PITRM1: variants seen among roughly 807,000 people sequenced by gnomAD.
The protein encoded by PITRM1 is presequence protease, mitochondrial.
Under a neutral mutation model 129.9 loss-of-function variants are expected in PITRM1, and 100 were observed. The observed-to-expected ratio is 0.77, with a 90% CI of 0.65 to 0.91. The LOEUF (loss-of-function observed/expected upper bound fraction) is 0.91. Among genes scored for constraint, PITRM1 ranks in the 40% least tolerant of loss-of-function variants. The pLI, the probability that PITRM1 is intolerant of heterozygous loss-of-function variation, is 0.00. For synonymous variants in PITRM1, 591 were observed against 508.8 expected (o/e 1.16, Z -2.17); for missense variants, 1,471 against 1,318.3 (o/e 1.12, Z -1.79).
At chr10:3,169,168 C>G (rs1202398872) in intron 2 of PITRM1, among the ~76,000 whole-genome samples, 1 of 152,348 alleles carries the variant, frequency 6.6e-6, no homozygotes, top group East Asian at 1.9e-4. Context: ...GGGTGAGGCC[C>G]TTATTAACAG....
rs1224729595 is a variant in PITRM1, at chr10:3,169,796, G to A, written c.159+308C>T. 3.3e-5 allele frequency among the ~76,000 whole-genome samples: 5 copies of A among 152,234 alleles called. 1 individual carries two copies. Among genetic ancestry groups the A allele is most frequent in the Admixed American group, 6.5e-5 (1 of 15,286 alleles). On this transcript the variant is annotated intron_variant, in intron 2 of 26. Coordinates refer to ENST00000224949, the MANE Select transcript of PITRM1 (RefSeq NM_014889.4). ...CAGGGCAGTGAGTCTTCATGCTCAT[G>A]CTCAGTGAAACATCAGGTTTGGCTG...
At chr10:3,156,663 A>G (rs1311834075) in intron 13 of PITRM1, among the ~76,000 whole-genome samples, 1 of 152,084 alleles carries the variant, frequency 6.6e-6, no homozygotes, top group African/African-American at 2.4e-5. Context: ...TAATAAAAGA[A>G]CAATATATGC....
intron 10 of PITRM1, among the ~76,000 whole-genome samples, chr10:3,158,376 T>C (rs1033106789): frequency 2.6e-5 from 4 of 152,172 alleles, no homozygotes; most frequent in African/African-American, 9.7e-5. Context: ...TATGGCAGGA[T>C]AAATATCAAA....
At position 3,149,608 on chromosome 10, in the gene PITRM1, T is replaced by C. The variant is rs377696504; in HGVS notation, c.1871+13A>G. 42 of 1,541,896 alleles carry C rather than the reference T, an allele frequency of 2.7e-5. No homozygotes were observed. The highest frequency in any genetic ancestry group is 1.9e-4 in the South Asian group (15 of 80,178). Reference sequence around the variant, plus strand: ...CATTAATAAGACACACAAGGGTATGTTGCGACTCGTACTTGGTGAGGACGC... The same window carrying C: ...CATTAATAAGACACACAAGGGTATGCTGCGACTCGTACTTGGTGAGGACGC... On this transcript the variant is annotated intron_variant, in intron 16 of 26. Coordinates refer to ENST00000224949, the MANE Select transcript of PITRM1 (RefSeq NM_014889.4).
chr10:3,171,172 A>C (rs1305758538), intron 1 of PITRM1, among the ~76,000 whole-genome samples: 26 of 141,142 alleles, frequency 1.8e-4, no homozygotes, highest in Non-Finnish European at 1.5e-4. Flanking sequence ...AAAAAAAAAA[A>C]AAAAAAAAAA....
At chr10:3,157,394 C>A in intron 12 of PITRM1, 41 bp downstream of exon 12, 1 of 1,229,314 alleles carries the variant, frequency 8.1e-7, no homozygotes, top group South Asian at 1.4e-5. Flanking sequence ...GACAAAATGT[C>A]TATTATAAAA....
At chr10:3,141,545 G>T in intron 23 of PITRM1, 2 of 317,142 alleles carry the variant, frequency 6.3e-6, no homozygotes, top group South Asian at 2.6e-5. Flanking sequence ...ACATTTCTAG[G>T]AACAGGGCCA....
At chr10:3,161,933 G>A (rs1182673768) in intron 7 of PITRM1, among the ~76,000 whole-genome samples, 2 of 151,788 alleles carry the variant, frequency 1.3e-5, no homozygotes, top group South Asian at 2.1e-4. Flanking sequence ...CCAGCACTTT[G>A]GGAGGTCAAG....
At chr10:3,171,196 T>C (rs75512625) in intron 1 of PITRM1, among the ~76,000 whole-genome samples, 1 of 56,606 alleles carries the variant, frequency 1.8e-5, no homozygotes, top group East Asian at 5.0e-4. Flanking sequence ...CTTACCAATA[T>C]AAGGGCCTAC....
intron 23 of PITRM1, among the ~76,000 whole-genome samples, chr10:3,142,544 G>A (rs1333091725): frequency 5.3e-5 from 8 of 152,264 alleles, no homozygotes; most frequent in East Asian, 1.9e-4. Flanking sequence ...AAAGGTGCAC[G>A]TCTGTGAGTC....
chr10:3,146,896 G>T, intron 20 of PITRM1: 1 of 276,584 alleles, frequency 3.6e-6, no homozygotes, highest in South Asian at 5.1e-5. Context: ...ATGTGCTTTT[G>T]GAAGCAATAT....
Position 3,150,121 on chromosome 10 carries a change from C to T in PITRM1, c.1739-368G>A, listed in dbSNP as rs143656585. On this transcript the variant is annotated intron_variant, in intron 15 of 26. Coordinates refer to ENST00000224949, the MANE Select transcript of PITRM1 (RefSeq NM_014889.4). Reference sequence around the variant, plus strand: ...AGCGCTGCTCATCTTCCCCAACAGGCCCTGCCACCCTCTGGCCCCACAACA... The same window carrying T: ...AGCGCTGCTCATCTTCCCCAACAGGTCCTGCCACCCTCTGGCCCCACAACA... Among the ~76,000 whole-genome samples the T allele has an allele frequency of 5.9e-3, 893 of 152,134 alleles. 11 individuals carry two copies. Among genetic ancestry groups the T allele is most frequent in the African/African-American group, 0.021 (873 of 41,494 alleles).
intron 19 of PITRM1, 46 bp from the exon 20 acceptor site, chr10:3,147,296 G>C (rs1564398022): frequency 5.1e-6 from 7 of 1,365,482 alleles, no homozygotes; most frequent in Non-Finnish European, 7.3e-6. Flanking sequence ...GGCTACAACA[G>C]ACCCGCTGAG....
In PITRM1 at chr10:3,170,052, C is replaced by T. The variant is rs17133550; in HGVS notation, c.159+52G>A. The T allele has an allele frequency of 0.014, 19,661 of 1,362,084 alleles. 1,233 individuals carry two copies. The East Asian group carries it at 0.16, about 11-fold the overall frequency. 84.4% of individuals were successfully genotyped at this position (1,362,084 alleles called of 1,614,324 possible). A position where few individuals can be genotyped will look rare whatever the true frequency, so the allele number is the denominator to read the frequency against. ...AGGGCTCCGTACATAGGCCAGAAGC[C>T]GCACCTGCAATGTATGTGGATTTAT... On this transcript the variant is annotated intron_variant, in intron 2 of 26. Transcript: ENST00000224949.
Position 3,165,112 on chromosome 10 carries a change from A to AG in PITRM1, c.630+125dup, listed in dbSNP as rs1228436835. ...GACTTCTGCTCACAGCACTGACCCC[A>AG]GCTAATTCAAGAATGTATCACCTAT... On this transcript the variant is annotated intron_variant, in intron 6 of 26. Coordinates refer to ENST00000224949, the MANE Select transcript of PITRM1 (RefSeq NM_014889.4). The AG allele has an allele frequency of 4.0e-6, 3 of 757,282 alleles. No homozygotes were observed. The African/African-American group carries it at 5.3e-5, about 13-fold the overall frequency. The allele number at this position is 757,282 out of a possible 1,614,324, so 46.9% of individuals were successfully genotyped here.
chr10:3,163,468 G>A (rs557580687), intron 7 of PITRM1: 33 of 260,178 alleles, frequency 1.3e-4, no homozygotes, highest in Middle Eastern at 1.2e-3. Flanking sequence ...AACAGGCTGC[G>A]GGGCCAGGAC....
Position 3,159,059 on chromosome 10 carries a change from A to G in PITRM1, c.1008-17T>C. 6.3e-7 allele frequency: 1 copy of G among 1,598,964 alleles called. No individual in the cohort carries two copies. Reference sequence around the variant, plus strand: ...TCGGTGATGCTGCATTGAAAAAAAAAGGAACGGGGAGGTAAGAAAAGAGTA... The same window carrying G: ...TCGGTGATGCTGCATTGAAAAAAAAGGGAACGGGGAGGTAAGAAAAGAGTA... On this transcript the variant is annotated splice_polypyrimidine_tract_variant and intron_variant, in intron 9 of 26. Transcript: ENST00000224949.
intron 23 of PITRM1, chr10:3,141,575 G>T: frequency 2.4e-6 from 1 of 414,808 alleles, no homozygotes; most frequent in Non-Finnish European, 5.1e-6. Flanking sequence ...GCCTTCCACT[G>T]TGAACGGTAA....
At chr10:3,162,170 A>C (rs967299735) in intron 7 of PITRM1, among the ~76,000 whole-genome samples, 4 of 151,816 alleles carry the variant, frequency 2.6e-5, no homozygotes, top group African/African-American at 4.8e-5. Context: ...AAAAAAAAAA[A>C]AAAAAAAAAC....
Sources: allele counts gnomAD v4.1 joint callset (sites outside exome capture counted in the v4.1 genomes callset), GRCh38; gene constraint gnomAD v4.1.1; transcripts MANE v1.5; gene names NCBI Gene and HGNC (gene_info 2026-07-23, HGNC 2026-07-21).